EPB41L2: variants seen among roughly 807,000 people sequenced by gnomAD.
EPB41L2 encodes the protein band 4.1-like protein 2.
A neutral mutation model predicts 113.0 loss-of-function variants in EPB41L2; 43 were observed. The observed-to-expected ratio is 0.38, with a 90% CI of 0.30 to 0.49. EPB41L2 has a LOEUF of 0.49. EPB41L2 is among the 20% of genes least tolerant of loss of function. The probability of loss-of-function intolerance (pLI) is 0.95; values close to 1 mark genes in which losing one functional copy is unlikely to be tolerated. For synonymous variants in EPB41L2, 442 were observed against 436.7 expected, an observed-to-expected ratio of 1.01 and a Z score of -0.15; for missense variants, 1,147 against 1,223.4, an observed-to-expected ratio of 0.94 and a Z score of 0.93.
At chr6:130,987,967 T>C (rs1780966390) in intron 1 of EPB41L2, among the ~76,000 whole-genome samples, 1 of 151,790 alleles carries the variant, frequency 6.6e-6, no homozygotes, top group African/African-American at 2.4e-5. Context: ...AATTAAAAAT[T>C]AGCTGAGTGT....
intron 4 of EPB41L2, among the ~76,000 whole-genome samples, chr6:130,913,708 T>A (rs1259957004): frequency 6.6e-6 from 1 of 151,890 alleles, no homozygotes; most frequent in African/African-American, 2.4e-5. Context: ...CATAAATTCC[T>A]AAGTAAAAAA....
At chr6:130,953,531 G>T (rs961620101) in intron 3 of EPB41L2, among the ~76,000 whole-genome samples, 6 of 152,022 alleles carry the variant, frequency 3.9e-5, no homozygotes, top group South Asian at 2.1e-4. Flanking sequence ...GTGCGCAGAT[G>T]GGGGAGGGAT....
intron 1 of EPB41L2, among the ~76,000 whole-genome samples, chr6:131,019,565 G>A (rs1015748685): frequency 1.3e-5 from 2 of 152,126 alleles, no homozygotes; most frequent in African/African-American, 4.8e-5. Flanking sequence ...GCATGGTAGA[G>A]AATTATACTG....
At chr6:131,015,764 C>G (rs1052631787) in intron 1 of EPB41L2, 6 of 152,194 alleles carry the variant, frequency 3.9e-5, no homozygotes, top group African/African-American at 1.2e-4. Flanking sequence ...TATTAAAAAG[C>G]ACACAGCTAG....
At chr6:130,904,683 A>G in intron 5 of EPB41L2, 143 bp from the exon 6 acceptor site, 3 of 373,906 alleles carry the variant, frequency 8.0e-6, no homozygotes, top group Non-Finnish European at 4.8e-6. Flanking sequence ...AAATAAAATT[A>G]AAATTGTTTA....
intron 1 of EPB41L2, chr6:131,000,707 T>A (rs1258654821): frequency 6.6e-6 from 1 of 152,230 alleles, no homozygotes; most frequent in African/African-American, 2.4e-5. Flanking sequence ...GTTACCACCT[T>A]GCTTGCTGGC....
At chr6:131,007,105 A>T (rs557635089) in intron 1 of EPB41L2, among the ~76,000 whole-genome samples, 5 of 152,324 alleles carry the variant, frequency 3.3e-5, no homozygotes, top group African/African-American at 1.2e-4. Context: ...CCACAGCCAC[A>T]AACTTTAAGC....
chr6:130,968,671 G>A (rs891396978), intron 1 of EPB41L2, among the ~76,000 whole-genome samples: 1 of 151,896 alleles, frequency 6.6e-6, no homozygotes, highest in South Asian at 2.1e-4. Context: ...CTTTCCCTCG[G>A]CGGGAAAAGC....
chr6:130,957,735 C>A (rs1817936940), intron 1 of EPB41L2, among the ~76,000 whole-genome samples: 1 of 151,746 alleles, frequency 6.6e-6, no homozygotes, highest in African/African-American at 2.4e-5. Context: ...AATTCATGTA[C>A]CATAAATTTC....
At chr6:130,955,854 TA>T in intron 2 of EPB41L2, 139 bp downstream of exon 2, 2 of 1,414,678 alleles carry the variant, frequency 1.4e-6, no homozygotes, top group Non-Finnish European at 1.9e-6. Flanking sequence ...TAGACCAATC[TA>T]AGACCCATTC....
At chr6:131,049,064 T>C (rs1040335013) in intron 1 of EPB41L2, among the ~76,000 whole-genome samples, 3 of 152,326 alleles carry the variant, frequency 2.0e-5, no homozygotes, top group South Asian at 2.1e-4. Flanking sequence ...ATGACCTCAA[T>C]TGGTAGGAGC....
At chr6:130,928,086 G>A (rs1029603701) in intron 3 of EPB41L2, among the ~76,000 whole-genome samples, 1 of 152,112 alleles carries the variant, frequency 6.6e-6, no homozygotes, top group African/African-American at 2.4e-5. Context: ...GTGAGACCCT[G>A]TCTCAATAAA....
At chr6:131,057,503 T>C (rs1409146530) in intron 1 of EPB41L2, among the ~76,000 whole-genome samples, 1 of 152,212 alleles carries the variant, frequency 6.6e-6, no homozygotes, top group Non-Finnish European at 1.5e-5. Flanking sequence ...TACTGGGATA[T>C]GTACATATAT....
intron 3 of EPB41L2, among the ~76,000 whole-genome samples, chr6:130,933,646 C>T (rs1002063935): frequency 2.0e-5 from 3 of 152,106 alleles, no homozygotes; most frequent in South Asian, 4.1e-4. Context: ...AATTAGAATG[C>T]TAGCTTTTGG....
At chr6:131,044,935 T>A (rs376748674) in intron 1 of EPB41L2, among the ~76,000 whole-genome samples, 1 of 152,226 alleles carries the variant, frequency 6.6e-6, no homozygotes, top group African/African-American at 2.4e-5. Context: ...AGAACTAATT[T>A]GTGAAACTTG....
intron 1 of EPB41L2, among the ~76,000 whole-genome samples, chr6:131,043,381 T>C (rs1794808112): frequency 6.6e-6 from 1 of 152,062 alleles, no homozygotes; most frequent in Non-Finnish European, 1.5e-5. Context: ...TGAGTGGTTT[T>C]AAGAAATAAC....
At chr6:130,848,918 C>T (rs1176432825) in intron 19 of EPB41L2, among the ~76,000 whole-genome samples, 1 of 152,166 alleles carries the variant, frequency 6.6e-6, no homozygotes, top group Non-Finnish European at 1.5e-5. Flanking sequence ...GATCCTATTT[C>T]CTTATAAAGA....
intron 1 of EPB41L2, among the ~76,000 whole-genome samples, chr6:131,003,114 AC>A (rs990185005): frequency 1.4e-4 from 21 of 151,390 alleles, no homozygotes; most frequent in African/African-American, 5.1e-4. Flanking sequence ...TTTAAGTGTC[AC>A]TTAGTTATAA....
At chr6:130,909,583 A>C (rs1444377717) in intron 4 of EPB41L2, among the ~76,000 whole-genome samples, 1 of 152,264 alleles carries the variant, frequency 6.6e-6, no homozygotes, top group Non-Finnish European at 1.5e-5. Flanking sequence ...ATAGGAAGAA[A>C]GGAAGTCAAA....
Sources: allele counts gnomAD v4.1 joint callset (sites outside exome capture counted in the v4.1 genomes callset), GRCh38; gene constraint gnomAD v4.1.1; transcripts MANE v1.5; gene names NCBI Gene and HGNC (gene_info 2026-07-23, HGNC 2026-07-21).